The following PTPRD variants were observed in gnomAD, a reference collection of about 807,000 sequenced individuals.
PTPRD encodes receptor-type tyrosine-protein phosphatase delta.
Under a neutral mutation model 214.5 loss-of-function variants are expected in PTPRD, and 34 were observed. The ratio of observed to expected loss-of-function variants is 0.16; its 90% CI spans 0.12 to 0.21. The LOEUF is 0.21. PTPRD is among the 10% of genes least tolerant of loss of function. The pLI is 1.00. For missense variants in PTPRD, 2,545 were observed against 2,398.7 expected, an observed-to-expected ratio of 1.06 and a Z score of -1.27; for synonymous variants, 1,128 against 845.7, an observed-to-expected ratio of 1.33 and a Z score of -5.79.
chr9:10,309,768 C>G (rs979648449), intron 3 of PTPRD, among the ~76,000 whole-genome samples: 1 of 151,806 alleles, frequency 6.6e-6, no homozygotes, highest in Non-Finnish European at 1.5e-5. Flanking sequence ...GTGTCTGCTA[C>G]GATAAATTTG....
chr9:10,247,028 A>C (rs577670398), intron 3 of PTPRD, among the ~76,000 whole-genome samples: 9 of 152,202 alleles, frequency 5.9e-5, no homozygotes, highest in Non-Finnish European at 1.2e-4. Flanking sequence ...TTGTTTAAAA[A>C]TACAGAATTG....
At position 10,016,683 on chromosome 9, in the gene PTPRD, T is replaced by TTC. The variant is rs1249852401; in HGVS notation, c.-472+17034_-472+17035insGA. Among the ~76,000 whole-genome samples, 408 of 151,564 alleles carry TTC rather than the reference T, an allele frequency of 2.7e-3. 1 individual carries two copies. Among genetic ancestry groups the TTC allele is most frequent in the Non-Finnish European group, 4.6e-3 (313 of 67,770 alleles). On this transcript the variant is annotated intron_variant, in intron 4 of 45. Transcript: ENST00000381196. The stretch of plus-strand genomic sequence containing the variant: ...TGCCTCCTGTGGGTTGTTTTTTTTT[T>TTC]CCACAGAATTTTGTTCTGTCAGCCA...
chr9:10,249,576 T>C (rs2154368375), intron 3 of PTPRD, among the ~76,000 whole-genome samples: 1 of 152,314 alleles, frequency 6.6e-6, no homozygotes, highest in South Asian at 2.1e-4. Flanking sequence ...AAGAAACTTA[T>C]CTGAAATTTT....
intron 5 of PTPRD, among the ~76,000 whole-genome samples, chr9:9,825,638 G>A (rs985421886): frequency 6.6e-6 from 1 of 151,746 alleles, no homozygotes; most frequent in Admixed American, 6.6e-5. Context: ...TTATTCTACG[G>A]GGTATTCTCA....
chr9:10,507,686 C>T (rs1386959766), intron 2 of PTPRD, among the ~76,000 whole-genome samples: 2 of 152,022 alleles, frequency 1.3e-5, no homozygotes, highest in African/African-American at 4.8e-5. Context: ...GTGACAAAAA[C>T]AAGAAATGGG....
At chr9:10,311,541 T>C (rs948467698) in intron 3 of PTPRD, among the ~76,000 whole-genome samples, 7 of 152,070 alleles carry the variant, frequency 4.6e-5, no homozygotes, top group African/African-American at 1.7e-4. Context: ...GATATTTGTA[T>C]GCTCATTCTA....
intron 9 of PTPRD, among the ~76,000 whole-genome samples, chr9:9,260,729 A>G (rs1295846137): frequency 6.6e-6 from 1 of 151,882 alleles, no homozygotes; most frequent in East Asian, 1.9e-4. Flanking sequence ...TTAATAGAAT[A>G]GAATAGTGCG....
chr9:10,460,189 C>G (rs144867129), intron 2 of PTPRD, among the ~76,000 whole-genome samples: 1 of 151,558 alleles, frequency 6.6e-6, no homozygotes, highest in Non-Finnish European at 1.5e-5. Context: ...GTGAAAGACC[C>G]GTAAACTGAA....
At chr9:10,530,167 T>C (rs910720690) in intron 2 of PTPRD, among the ~76,000 whole-genome samples, 23 of 152,314 alleles carry the variant, frequency 1.5e-4, no homozygotes, top group Admixed American at 1.3e-3. Flanking sequence ...ATAAAGTCTA[T>C]AGTAAAATTA....
rs185933865 is a variant in PTPRD, at chr9:10,429,753, G to A, written c.-599-88736C>T. The stretch of plus-strand genomic sequence containing the variant: ...CTCAGGGGGCTAAGGGGAGTGGAAG[G>A]GGGGAGGATGATGATGAATTAGTTA... On this transcript the variant is annotated intron_variant, in intron 2 of 45. Transcript: ENST00000381196. Among the ~76,000 whole-genome samples the A allele has an allele frequency of 4.7e-3, 708 of 151,102 alleles. 3 individuals carry two copies. Among genetic ancestry groups the A allele is most frequent in the Non-Finnish European group, 7.7e-3 (522 of 67,728 alleles).
intron 39 of PTPRD, among the ~76,000 whole-genome samples, chr9:8,345,869 C>G (rs1857113058): frequency 6.6e-6 from 1 of 152,086 alleles, no homozygotes; most frequent in Non-Finnish European, 1.5e-5. Flanking sequence ...CTGGATTCTT[C>G]CATCTGTATC....
intron 10 of PTPRD, among the ~76,000 whole-genome samples, chr9:9,149,738 C>T (rs1381890553): frequency 6.6e-6 from 1 of 152,178 alleles, no homozygotes; most frequent in Non-Finnish European, 1.5e-5. Context: ...GCATTCTTGT[C>T]TTTATGCCTT....
intron 8 of PTPRD, among the ~76,000 whole-genome samples, chr9:9,474,345 T>C (rs928858749): frequency 3.9e-5 from 6 of 152,122 alleles, no homozygotes; most frequent in African/African-American, 4.8e-5. Context: ...CATGCCGTAT[T>C]GATTATGATA....
intron 11 of PTPRD, among the ~76,000 whole-genome samples, chr9:8,982,014 G>T (rs1735178831): frequency 1.3e-5 from 2 of 152,034 alleles, no homozygotes; most frequent in South Asian, 4.1e-4. Flanking sequence ...TGAAAGTTAA[G>T]GTATGGGTAA....
At chr9:9,308,954 C>A (rs1313546634) in intron 9 of PTPRD, among the ~76,000 whole-genome samples, 2 of 151,896 alleles carry the variant, frequency 1.3e-5, no homozygotes, top group East Asian at 3.9e-4. Flanking sequence ...GCACATTTTC[C>A]AGAAATATCA....
At chr9:10,187,269 C>A (rs1283358529) in intron 3 of PTPRD, among the ~76,000 whole-genome samples, 1 of 152,020 alleles carries the variant, frequency 6.6e-6, no homozygotes, top group Non-Finnish European at 1.5e-5. Flanking sequence ...GCTCTCTCAC[C>A]CTTTTTAAAA....
intron 3 of PTPRD, among the ~76,000 whole-genome samples, chr9:10,148,664 C>T (rs978897663): frequency 1.3e-4 from 20 of 152,164 alleles, no homozygotes; most frequent in African/African-American, 4.3e-4. Flanking sequence ...GCAAAACATA[C>T]ATTGGACAAG....
intron 2 of PTPRD, among the ~76,000 whole-genome samples, chr9:10,341,465 G>A (rs995636030): frequency 5.3e-5 from 8 of 151,918 alleles, no homozygotes; most frequent in Non-Finnish European, 1.0e-4. Context: ...ACAAATTAGA[G>A]TGATCAGACA....
intron 3 of PTPRD, among the ~76,000 whole-genome samples, chr9:10,300,879 G>A (rs577591217): frequency 3.3e-5 from 5 of 152,238 alleles, no homozygotes; most frequent in Non-Finnish European, 7.4e-5. Flanking sequence ...GCTCTGAAGA[G>A]AGCCATGGCT....
Sources: allele counts gnomAD v4.1 joint callset (sites outside exome capture counted in the v4.1 genomes callset), GRCh38; gene constraint gnomAD v4.1.1; transcripts MANE v1.5; gene names NCBI Gene and HGNC (gene_info 2026-07-23, HGNC 2026-07-21).